The following CHST13 variants were observed in gnomAD, a reference collection of about 807,000 sequenced individuals.
CHST13 encodes C4ST-3.
In CHST13, 1 loss-of-function variant was observed where a neutral mutation model predicts 7.0. That is an observed-to-expected ratio of 0.14 (90% confidence interval 0.05 to 0.68). The LOEUF (loss-of-function observed/expected upper bound fraction) is 0.68, where lower values mean the gene tolerates loss of function less well. CHST13 is among the 30% of genes least tolerant of loss of function. CHST13 has a pLI of 0.82. For synonymous variants in CHST13, 257 were observed against 240.9 expected (o/e 1.07, Z -0.62); for missense variants, 572 against 507.9 (o/e 1.13, Z -1.21).
rs573241475 is a variant in CHST13, at chr3:126,541,738, G to A, written c.186G>A (p.Pro62=). Residue 62 remains proline (P), a synonymous_variant, in exon 3 of 3, where the codon CCG becomes CCA. Coordinates refer to ENST00000319340, the MANE Select transcript of CHST13 (RefSeq NM_152889.3). The part of the protein sequence containing the change: ...LQKLYDLDQD[P]RSTLAKVHRQ... The stretch of plus-strand genomic sequence containing the variant: ...CCGTCTCCTGTCGCCCACAGGACCC[G>A]CGCTCGACCCTGGCGAAGGTGCACC... 2.7e-6 allele frequency: 4 copies of A among 1,476,744 alleles called. No individual in the cohort carries two copies. The highest frequency in any genetic ancestry group is 2.7e-6 in the Non-Finnish European group (3 of 1,115,856). 91.5% of individuals were successfully genotyped at this position (1,476,744 alleles called of 1,614,324 possible).
At chr3:126,537,825 G>A (rs1936830112) in intron 2 of CHST13, among the ~76,000 whole-genome samples, 1 of 152,230 alleles carries the variant, frequency 6.6e-6, no homozygotes, top group South Asian at 2.1e-4. Context: ...GACTAATTAC[G>A]TCAACCCATA....
chr3:126,540,018 GCCACACACACGCACA>G (rs1432232022), intron 2 of CHST13, among the ~76,000 whole-genome samples: 2 of 125,912 alleles, frequency 1.6e-5, no homozygotes, highest in African/African-American at 6.0e-5. Context: ...ACACACGCAT[GCCACACACACGCACA>G]CCACACACCA....
chr3:126,524,652 A>T (rs1446146514), intron 1 of CHST13, among the ~76,000 whole-genome samples: 1 of 152,070 alleles, frequency 6.6e-6, no homozygotes, highest in Non-Finnish European at 1.5e-5. Context: ...CCACTCCCAG[A>T]GCGGTGACTG....
Position 126,524,325 on chromosome 3 carries a change from G to C in CHST13, c.-8G>C, listed in dbSNP as rs973475811. ...GCGGACTGTCCTCCGCCGCGCGCCC[G>C]GCACAGCATGGGGAGGCGCTGCTGC... On this transcript the variant is annotated 5_prime_UTR_variant, in exon 1 of 3. Transcript: ENST00000319340. 5.7e-6 allele frequency: 7 copies of C among 1,233,562 alleles called. No homozygotes were observed. The highest frequency in any genetic ancestry group is 5.1e-6 in the Non-Finnish European group (5 of 988,964). The allele number at this position is 1,233,562 out of a possible 1,614,324, so 76.4% of individuals were successfully genotyped here.
At chr3:126,524,996 C>T (rs1346992267) in intron 1 of CHST13, among the ~76,000 whole-genome samples, 1 of 152,128 alleles carries the variant, frequency 6.6e-6, no homozygotes, top group African/African-American at 2.4e-5. Flanking sequence ...AGCTGAGTGC[C>T]CTGGGCTCCA....
At chr3:126,538,026 G>C (rs1013713812) in intron 2 of CHST13, among the ~76,000 whole-genome samples, 1 of 152,186 alleles carries the variant, frequency 6.6e-6, no homozygotes, top group Admixed American at 6.5e-5. Flanking sequence ...AGTCCCAAGG[G>C]GCCTGAGTTG....
At position 126,541,806 on chromosome 3, in the gene CHST13, C is replaced by G; in HGVS notation, c.254C>G (p.Ser85Ter). The G allele has an allele frequency of 6.4e-7, 1 of 1,554,656 alleles. No homozygotes were observed. The highest frequency in any genetic ancestry group is 1.4e-5 in the African/African-American group (1 of 72,540). The part of the protein sequence containing the change: ...DLLNSACSRH[S>*]RRQRLLQPED... ...CTGAACAGCGCCTGTAGCCGCCACT[C>G]ACGCCGGCAGCGCCTGCTACAGCCG... Residue 85 changes from serine to a stop codon, truncating the protein, a stop_gained, in exon 3 of 3, where the codon TCA (serine) becomes TGA (stop). Transcript: ENST00000319340. LOFTEE classifies it low-confidence loss of function (END_TRUNC).
In CHST13 at chr3:126,541,724, C is replaced by A; in HGVS notation, c.181-9C>A. On this transcript the variant is annotated splice_polypyrimidine_tract_variant and intron_variant, in intron 2 of 2. Coordinates refer to ENST00000319340, the MANE Select transcript of CHST13 (RefSeq NM_152889.3). Reference sequence around the variant, plus strand: ...CGCGTCCCCCTGTCCCGTCTCCTGTCGCCCACAGGACCCGCGCTCGACCCT... The same window carrying A: ...CGCGTCCCCCTGTCCCGTCTCCTGTAGCCCACAGGACCCGCGCTCGACCCT... The A allele has an allele frequency of 6.9e-7, 1 of 1,446,640 alleles. No individual in the cohort carries two copies. The highest frequency in any genetic ancestry group is 1.4e-5 in the South Asian group (1 of 70,604). The allele number at this position is 1,446,640 out of a possible 1,614,324, so 89.6% of individuals were successfully genotyped here.
In CHST13 at chr3:126,536,435, C is replaced by T. The variant is rs569497772; in HGVS notation, c.180+82C>T. On this transcript the variant is annotated intron_variant, in intron 2 of 2. Coordinates refer to ENST00000319340, the MANE Select transcript of CHST13 (RefSeq NM_152889.3). ...GACAGCAACAGTGCAGACCTGCTGG[C>T]ATGAGACTGGACCCCACACTGGGGC... 1.5e-4 allele frequency: 159 copies of T among 1,078,434 alleles called. 3 individuals carry two copies. The South Asian group carries it at 2.1e-3, about 14-fold the overall frequency. The allele number at this position is 1,078,434 out of a possible 1,614,324, so 66.8% of individuals were successfully genotyped here.
intron 1 of CHST13, among the ~76,000 whole-genome samples, chr3:126,534,533 G>T (rs909461340): frequency 2.6e-5 from 4 of 151,224 alleles, no homozygotes; most frequent in African/African-American, 9.7e-5. Context: ...TCCTCAGCCA[G>T]GAGAAAAACA....
chr3:126,535,219 C>CA (rs1936753538), intron 1 of CHST13, among the ~76,000 whole-genome samples: 1 of 145,046 alleles, frequency 6.9e-6, no homozygotes, highest in African/African-American at 2.6e-5. Context: ...TGTCCCCAGC[C>CA]GGTAGACAGA....
In CHST13 at chr3:126,542,394, C is replaced by G. The variant is rs765821914; in HGVS notation, c.842C>G (p.Ala281Gly). 6.4e-7 allele frequency: 1 copy of G among 1,553,422 alleles called. No homozygotes were observed. Among genetic ancestry groups the G allele is most frequent in the Admixed American group, 1.9e-5 (1 of 51,940 alleles). The change falls in exon 3 of 3, where the codon GCG (alanine) becomes GGG (glycine). Residue 281 changes from alanine to glycine, a missense_variant. Transcript: ENST00000319340. ...GACGCGGCCTTCGTGCTGGGCCTGGCGGGCGCATCCGACCTGAGCTTCCCT... is the reference window on the plus strand; with the variant it reads ...GACGCGGCCTTCGTGCTGGGCCTGGGGGGCGCATCCGACCTGAGCTTCCCT... ...AEDAAFVLGL[A>G]GASDLSFPGP...
At chr3:126,532,864 C>T (rs1936686041) in intron 1 of CHST13, among the ~76,000 whole-genome samples, 1 of 152,166 alleles carries the variant, frequency 6.6e-6, no homozygotes, top group South Asian at 2.1e-4. Flanking sequence ...GGAGTACTGC[C>T]ATCTTCACAA....
At chr3:126,531,273 C>A (rs1163315192) in intron 1 of CHST13, among the ~76,000 whole-genome samples, 1 of 152,214 alleles carries the variant, frequency 6.6e-6, no homozygotes, top group Non-Finnish European at 1.5e-5. Flanking sequence ...GGGCCCCACA[C>A]AAGCTGAAGT....
intron 1 of CHST13, chr3:126,529,287 C>T (rs1214338758): frequency 1.3e-5 from 17 of 1,282,808 alleles, no homozygotes; most frequent in Admixed American, 6.9e-5. Flanking sequence ...CTGTGTGCAG[C>T]AATCGCATGG....
chr3:126,527,966 C>T (rs565918481), intron 1 of CHST13: 1 of 152,110 alleles, frequency 6.6e-6, no homozygotes, highest in East Asian at 1.9e-4. Flanking sequence ...GCTGAAACCC[C>T]AAATCCTTTT....
chr3:126,528,261 C>G (rs1294940212), intron 1 of CHST13, among the ~76,000 whole-genome samples: 1 of 151,988 alleles, frequency 6.6e-6, no homozygotes, highest in Non-Finnish European at 1.5e-5. Context: ...CTTCCTATGG[C>G]TGTCAGAGGG....
At chr3:126,528,818 C>T (rs1936587653) in intron 1 of CHST13, among the ~76,000 whole-genome samples, 1 of 152,194 alleles carries the variant, frequency 6.6e-6, no homozygotes, top group South Asian at 2.1e-4. Flanking sequence ...TATAATAATA[C>T]ATGAAGGGCT....
intron 2 of CHST13, among the ~76,000 whole-genome samples, chr3:126,540,781 C>A (rs1936941793): frequency 6.6e-6 from 1 of 152,168 alleles, no homozygotes; most frequent in Non-Finnish European, 1.5e-5. Context: ...TGAGGAACTG[C>A]CAAACTGCTT....
Sources: gnomAD v4.1 joint callset for allele counts (sites outside exome capture counted in the v4.1 genomes callset) on GRCh38, gnomAD v4.1.1 for gene constraint, MANE v1.5 for transcripts, NCBI Gene and HGNC (gene_info 2026-07-23, HGNC 2026-07-21) for gene names.